The following KCNG2 variants were observed in gnomAD, a reference collection of about 807,000 sequenced individuals.
The protein encoded by KCNG2 is voltage-gated potassium channel regulatory subunit KCNG2.
In KCNG2, 7 loss-of-function variants were observed where a neutral mutation model predicts 12.3. The ratio of observed to expected loss-of-function variants is 0.57; its 90% CI spans 0.32 to 1.07. The LOEUF is 1.07. KCNG2 is among the 50% of genes least tolerant of loss of function. The pLI, the probability that KCNG2 is intolerant of heterozygous loss-of-function variation, is 0.04. For synonymous variants in KCNG2, 414 were observed against 351.4 expected (o/e 1.18, Z -1.99); for missense variants, 703 against 726.0 (o/e 0.97, Z 0.36).
chr18:79,846,888 C>T (rs1978647340), intron 1 of KCNG2, among the ~76,000 whole-genome samples: 1 of 152,176 alleles, frequency 6.6e-6, no homozygotes, highest in African/African-American at 2.4e-5. Flanking sequence ...GAAGGCCCCA[C>T]TGAGGAGCCT....
intron 3 of KCNG2, among the ~76,000 whole-genome samples, chr18:79,874,240 C>T (rs898064671): frequency 9.9e-5 from 15 of 152,232 alleles, no homozygotes. Flanking sequence ...CCACCTTCCT[C>T]TATGCCATCA....
chr18:79,807,719 C>T (rs1323410082), intron 1 of KCNG2, among the ~76,000 whole-genome samples: 1 of 152,098 alleles, frequency 6.6e-6, no homozygotes, highest in Admixed American at 6.5e-5. Context: ...GAAGTTGCTC[C>T]GGCGCCACTG....
chr18:79,804,466 C>T (rs1039522694), intron 1 of KCNG2, among the ~76,000 whole-genome samples: 1 of 152,254 alleles, frequency 6.6e-6, no homozygotes, highest in Admixed American at 6.5e-5. Context: ...CTTCCCATGA[C>T]AGGCTGTGGC....
chr18:79,891,617 T>C (rs964298046), intron 3 of KCNG2, among the ~76,000 whole-genome samples: 2 of 152,258 alleles, frequency 1.3e-5, no homozygotes, highest in African/African-American at 4.8e-5. Flanking sequence ...TGCCTTCTGA[T>C]TTCTTGGTTG....
At position 79,855,589 on chromosome 18, in the gene KCNG2, G is replaced by A. The variant is rs1033655048; in HGVS notation, c.-114-790G>A. Reference sequence around the variant, plus strand: ...TCACCCCACTGTGCATGCTAGGCTCGTAGACACACAGCATTGTTTTTGACC... The same window carrying A: ...TCACCCCACTGTGCATGCTAGGCTCATAGACACACAGCATTGTTTTTGACC... On this transcript the variant is annotated intron_variant, in intron 1 of 3. Transcript: ENST00000316249. Among the ~76,000 whole-genome samples, 8 of 151,952 alleles carry A rather than the reference G, an allele frequency of 5.3e-5. No individual in the cohort carries two copies. In the East Asian group the frequency reaches 5.8e-4, roughly 11 times the overall value.
In KCNG2 at chr18:79,840,926, T is replaced by C. The variant is rs147021085; in HGVS notation, c.-114-15453T>C. Among the ~76,000 whole-genome samples the C allele has an allele frequency of 2.0e-5, 3 of 152,290 alleles. No individual in the cohort carries two copies. The East Asian group carries it at 5.8e-4, about 29-fold the overall frequency. ...CTAATCCCACACCTTATACAAAAATTAACTCAAAATGGATCATGACTTACA... is the reference window on the plus strand; with the variant it reads ...CTAATCCCACACCTTATACAAAAATCAACTCAAAATGGATCATGACTTACA... On this transcript the variant is annotated intron_variant, in intron 1 of 3. Coordinates refer to ENST00000316249, the MANE Select transcript of KCNG2 (RefSeq NM_012283.2).
intron 1 of KCNG2, among the ~76,000 whole-genome samples, chr18:79,834,805 A>G (rs943627682): frequency 1.8e-4 from 28 of 152,336 alleles, no homozygotes; most frequent in African/African-American, 6.5e-4. Flanking sequence ...CACAGGAAAC[A>G]TTCTTGAGCA....
intron 1 of KCNG2, among the ~76,000 whole-genome samples, chr18:79,834,229 G>A (rs138028620): frequency 1.7e-3 from 262 of 152,332 alleles, no homozygotes; most frequent in African/African-American, 4.7e-3. Flanking sequence ...CGTTTGCCTC[G>A]GCGGCACCAG....
intron 3 of KCNG2, among the ~76,000 whole-genome samples, chr18:79,885,463 CG>C (rs1418776437): frequency 6.6e-6 from 1 of 152,210 alleles, no homozygotes; most frequent in Non-Finnish European, 1.5e-5. Flanking sequence ...CGGGCAGACC[CG>C]GTCCAGGTGG....
chr18:79,889,557 G>A (rs1490593168), intron 3 of KCNG2, among the ~76,000 whole-genome samples: 2 of 152,254 alleles, frequency 1.3e-5, no homozygotes, highest in South Asian at 2.1e-4. Flanking sequence ...CATTGCGAGT[G>A]TATAGAGATA....
intron 3 of KCNG2, among the ~76,000 whole-genome samples, chr18:79,887,070 G>GGGGACAC (rs1980546706): frequency 6.7e-6 from 1 of 148,230 alleles, no homozygotes. Flanking sequence ...ACAGGGACAT[G>GGGGACAC]GGGACACGGG....
chr18:79,803,527 G>A lies in KCNG2; in HGVS notation c.-115+5513G>A, dbSNP rs1410596110. The stretch of plus-strand genomic sequence containing the variant: ...TCTAGGGTGAAGAAAACAGTGGCTA[G>A]GCGTGGGTGTGCAGTGCTGGGGACC... On this transcript the variant is annotated intron_variant, in intron 1 of 3. Coordinates refer to ENST00000316249, the MANE Select transcript of KCNG2 (RefSeq NM_012283.2). This position sits in a 1 kb window ranked among gnomAD's most constrained non-coding sequence, Gnocchi z 4.5. Among the ~76,000 whole-genome samples, 2 of 152,224 alleles carry A rather than the reference G, an allele frequency of 1.3e-5. No homozygotes were observed. The highest frequency in any genetic ancestry group is 2.9e-5 in the Non-Finnish European group (2 of 68,040).
chr18:79,830,485 C>T (rs950343055), intron 1 of KCNG2, among the ~76,000 whole-genome samples: 4 of 152,260 alleles, frequency 2.6e-5, no homozygotes, highest in Non-Finnish European at 5.9e-5. Context: ...ATTTATTCCT[C>T]AGCTTACATA....
rs116211851 is a variant in KCNG2, at chr18:79,822,064, G to A, written c.-115+24050G>A. Among the ~76,000 whole-genome samples the A allele has an allele frequency of 4.0e-3, 607 of 152,358 alleles. 9 individuals carry two copies. Among genetic ancestry groups the A allele is most frequent in the African/African-American group, 0.014 (570 of 41,578 alleles). ...GCACTGATATTTGGGGCTGGGATGTGAAGGCTTCAGTAAAACTTGTCAAAT... is the reference window on the plus strand; with the variant it reads ...GCACTGATATTTGGGGCTGGGATGTAAAGGCTTCAGTAAAACTTGTCAAAT... On this transcript the variant is annotated intron_variant, in intron 1 of 3. Transcript: ENST00000316249. The surrounding 1 kb of genome is among the most constrained non-coding windows in gnomAD (Gnocchi z 4.4).
chr18:79,841,954 G>A (rs534187309), intron 1 of KCNG2, among the ~76,000 whole-genome samples: 6 of 152,284 alleles, frequency 3.9e-5, no homozygotes, highest in East Asian at 1.9e-4. Flanking sequence ...GAAGGAGAAC[G>A]AAGCGAGCAC....
intron 1 of KCNG2, among the ~76,000 whole-genome samples, chr18:79,825,770 C>T (rs2087609440): frequency 6.6e-6 from 1 of 151,950 alleles, no homozygotes; most frequent in African/African-American, 2.4e-5. Flanking sequence ...ATTCCTTTTT[C>T]CAGTTACTAA....
chr18:79,835,023 A>G (rs1322426029), intron 1 of KCNG2, among the ~76,000 whole-genome samples: 1 of 152,186 alleles, frequency 6.6e-6, no homozygotes, highest in Non-Finnish European at 1.5e-5. Flanking sequence ...CAGTAACAAG[A>G]CACACCCACC....
intron 1 of KCNG2, among the ~76,000 whole-genome samples, chr18:79,846,709 G>C (rs1014096268): frequency 2.0e-5 from 3 of 152,218 alleles, no homozygotes; most frequent in Admixed American, 1.3e-4. Flanking sequence ...ACTGAAGTTA[G>C]ATACATTGTA....
chr18:79,810,266 A>C (rs1350158804), intron 1 of KCNG2, among the ~76,000 whole-genome samples: 1 of 152,102 alleles, frequency 6.6e-6, no homozygotes, highest in East Asian at 1.9e-4. Context: ...AAAAGAGAGA[A>C]GAGAGGGTGG....
Sources: allele counts gnomAD v4.1 joint callset (sites outside exome capture counted in the v4.1 genomes callset), GRCh38; gene constraint gnomAD v4.1.1; non-coding constraint Gnocchi (gnomAD v3.1); transcripts MANE v1.5; gene names NCBI Gene and HGNC (gene_info 2026-07-23, HGNC 2026-07-21).